CDH23: variants seen among roughly 807,000 people sequenced by gnomAD.
CDH23 encodes cadherin related 23.
CDH23 carries 189 observed loss-of-function variants against 317.1 expected under a neutral mutation model. That is an observed-to-expected ratio of 0.60 (90% confidence interval 0.53 to 0.67). The LOEUF is 0.67. Among genes scored for constraint, CDH23 ranks in the 30% least tolerant of loss-of-function variants. CDH23 has a pLI of 0.00. For synonymous variants in CDH23, 1,839 were observed against 1,876.8 expected, an observed-to-expected ratio of 0.98 and a Z score of 0.52; for missense variants, 4,401 against 4,592.4, an observed-to-expected ratio of 0.96 and a Z score of 1.20.
At chr10:71,604,920 C>T (rs962270664) in intron 9 of CDH23, among the ~76,000 whole-genome samples, 4 of 152,174 alleles carry the variant, frequency 2.6e-5, no homozygotes, top group Non-Finnish European at 1.5e-5. Flanking sequence ...AAGACCAGGG[C>T]GGGAAAGGCC....
Position 71,695,449 on chromosome 10 carries a change from AC to A in CDH23, c.2323del (p.His775ThrfsTer16). On this transcript the variant is annotated frameshift_variant, in exon 22 of 70. Transcript: ENST00000224721. LOFTEE classifies it high-confidence loss of function. ...ATCACCCTCCTGGACATCAATGACA[AC>A]CACCCCACGTGGAAGGACGCACCCT... ...VNITLLDIND[N>X]HPTWKDAPYY... is the part of the protein sequence containing the mutation. The A allele has an allele frequency of 6.2e-7, 1 of 1,613,518 alleles. No homozygotes were observed.
chr10:71,576,448 C>G (rs1800690544), intron 8 of CDH23, among the ~76,000 whole-genome samples: 2 of 152,074 alleles, frequency 1.3e-5, no homozygotes, highest in Non-Finnish European at 2.9e-5. Flanking sequence ...GTAGCTTGCC[C>G]CACAAGAGCG....
intron 18 of CDH23, among the ~76,000 whole-genome samples, chr10:71,684,121 G>A (rs901352469): frequency 6.0e-5 from 8 of 134,122 alleles, no homozygotes; most frequent in African/African-American, 1.1e-4. Context: ...AAAAAAAAAC[G>A]GCCTGACTCG....
intron 9 of CDH23, among the ~76,000 whole-genome samples, chr10:71,603,285 C>T (rs746723107): frequency 6.6e-6 from 1 of 152,228 alleles, no homozygotes; most frequent in South Asian, 2.1e-4. Context: ...CCACTCCTTC[C>T]TCCCTCCCCC....
At chr10:71,427,927 G>T (rs1315101956) in intron 1 of CDH23, among the ~76,000 whole-genome samples, 1 of 151,840 alleles carries the variant, frequency 6.6e-6, no homozygotes, top group Non-Finnish European at 1.5e-5. Context: ...TGGCCAGGCT[G>T]GTCTCAAACT....
chr10:71,530,854 G>A (rs1033945454), intron 6 of CDH23, among the ~76,000 whole-genome samples: 1 of 152,238 alleles, frequency 6.6e-6, no homozygotes. Context: ...CTTGGAGGAA[G>A]GCTCATTCAC....
At position 71,809,852 on chromosome 10, in the gene CDH23, C is replaced by T. The variant is rs759354102; in HGVS notation, c.8755C>T (p.Leu2919Phe). ...SMDGILRTFD[L>F]FMAYSPGYFV... ...GGACGGCATTCTGCGCACCTTCGAC[C>T]TCTTCATGGCCTACAGCCCCGGCTA... is the stretch of plus-strand genomic sequence containing the variant. Residue 2919 changes from leucine (L) to phenylalanine (F), a missense_variant, in exon 61 of 70, where the codon CTC becomes TTC. Around this residue, in one of 3 missense-constraint regions of CDH23, gnomAD observed 1,144 missense variants for 1,138.2 expected, o/e 1.01. Transcript: ENST00000224721. 1 of 1,613,246 alleles carries T rather than the reference C, an allele frequency of 6.2e-7. No individual in the cohort carries two copies. The highest frequency in any genetic ancestry group is 8.5e-7 in the Non-Finnish European group (1 of 1,179,886).
intron 9 of CDH23, among the ~76,000 whole-genome samples, chr10:71,584,402 G>A (rs1241557024): frequency 1.3e-5 from 2 of 152,168 alleles, no homozygotes; most frequent in Non-Finnish European, 2.9e-5. Flanking sequence ...TCACACTGGG[G>A]CACTATGGTA....
intron 3 of CDH23, among the ~76,000 whole-genome samples, chr10:71,455,444 G>A (rs969193265): frequency 4.6e-5 from 7 of 152,096 alleles, no homozygotes; most frequent in African/African-American, 7.2e-5. Context: ...AGAAGTCTAG[G>A]ATAGATAGAT....
In CDH23 at chr10:71,704,928, C is replaced by T. The variant is rs369180032; in HGVS notation, c.2751C>T (p.Leu917=). 1.9e-5 allele frequency: 31 copies of T among 1,612,746 alleles called. No individual in the cohort carries two copies. The highest frequency in any genetic ancestry group is 1.6e-4 in the Middle Eastern group (1 of 6,062). ...GCCCTCAGGTGGTGGCCATCGACCT[C>T]GATGAGGGCCTGAACGGCCTGGTGT... ...VSIYQVVAID[L]DEGLNGLVSY... Residue 917 remains leucine, a synonymous_variant, in exon 25 of 70, where the codon CTC becomes CTT. Coordinates refer to ENST00000224721, the MANE Select transcript of CDH23 (RefSeq NM_022124.6).
chr10:71,790,208 G>T, intron 45 of CDH23, 80 bp from the exon 46 acceptor site: 3 of 1,555,666 alleles, frequency 1.9e-6, no homozygotes, highest in Non-Finnish European at 2.6e-6. Flanking sequence ...GTCAGCCATG[G>T]CTCACCGGGA....
chr10:71,729,336 G>A (rs982911091), intron 30 of CDH23, among the ~76,000 whole-genome samples: 3 of 152,192 alleles, frequency 2.0e-5, no homozygotes, highest in African/African-American at 7.2e-5. Context: ...GCGCCCACAG[G>A]AAAAGGTGGA....
In CDH23 at chr10:71,812,749, T is replaced by C. The variant is rs564016438; in HGVS notation, c.9511-19T>C. 1.2e-6 allele frequency: 2 copies of C among 1,613,120 alleles called. No homozygotes were observed. Among genetic ancestry groups the C allele is most frequent in the Non-Finnish European group, 1.7e-6 (2 of 1,179,512 alleles). The stretch of plus-strand genomic sequence containing the variant: ...GTGTGGGGTCTGCCTCTGCTCCAGC[T>C]AACATCCCCTCTCCCCAGGGAACTT... On this transcript the variant is annotated intron_variant, in intron 67 of 69. Coordinates refer to ENST00000224721, the MANE Select transcript of CDH23 (RefSeq NM_022124.6).
chr10:71,454,747 A>G (rs1008236937), intron 3 of CDH23, among the ~76,000 whole-genome samples: 2 of 152,084 alleles, frequency 1.3e-5, no homozygotes, highest in African/African-American at 4.8e-5. Context: ...ACAGATGTCC[A>G]TTTTCTACCA....
At chr10:71,813,085 G>A (rs1219402198) in intron 68 of CDH23, among the ~76,000 whole-genome samples, 159 bp from the exon 69 acceptor site, 1 of 152,152 alleles carries the variant, frequency 6.6e-6, no homozygotes, top group Non-Finnish European at 1.5e-5. Flanking sequence ...GTCCACCTGT[G>A]TCCAGGCTGG....
intron 6 of CDH23, among the ~76,000 whole-genome samples, chr10:71,530,034 G>GACACACACACACAC (rs57652121): frequency 0.033 from 4,589 of 140,834 alleles, 121 homozygotes; most frequent in Non-Finnish European, 0.034. Context: ...CACACATACA[G>GACACACACACACAC]ACACACACAC....
intron 41 of CDH23, among the ~76,000 whole-genome samples, chr10:71,783,328 G>A (rs1841007722): frequency 6.6e-6 from 1 of 152,150 alleles, no homozygotes; most frequent in African/African-American, 2.4e-5. Flanking sequence ...CACCCTCCGT[G>A]TTCTCACCCC....
chr10:71,477,229 C>T (rs953999923), intron 3 of CDH23, among the ~76,000 whole-genome samples: 11 of 152,162 alleles, frequency 7.2e-5, no homozygotes, highest in Admixed American at 5.9e-4. Context: ...AGTGCATTGG[C>T]GCGATCTCTG....
In CDH23 at chr10:71,409,096, T is replaced by C. The variant is rs17548279; in HGVS notation, c.-6+11778T>C. 5.2e-3 allele frequency among the ~76,000 whole-genome samples: 786 copies of C among 152,346 alleles called. 8 individuals carry two copies. The highest frequency in any genetic ancestry group is 0.021 in the South Asian group (102 of 4,832). On this transcript the variant is annotated intron_variant, in intron 1 of 69. Transcript: ENST00000224721. ...TAGTCTCTGGAACAGACGTGTGATG[T>C]CACTTTTAAGTATCTGGCTGCTGTA...
Sources: allele counts gnomAD v4.1 joint callset (sites outside exome capture counted in the v4.1 genomes callset), GRCh38; gene constraint gnomAD v4.1.1; regional missense constraint gnomAD v4.1.1; transcripts MANE v1.5; gene names NCBI Gene and HGNC (gene_info 2026-07-23, HGNC 2026-07-21).